CLIC5: variants seen among roughly 807,000 people sequenced by gnomAD.
CLIC5 encodes the protein chloride intracellular channel protein 5.
CLIC5 carries 20 observed loss-of-function variants against 24.7 expected under a neutral mutation model. That is an observed-to-expected ratio of 0.81 (90% CI 0.57 to 1.18). The LOEUF (loss-of-function observed/expected upper bound fraction) is 1.18. Among genes scored for constraint, CLIC5 ranks in the 50% most tolerant of loss-of-function variants. The probability of loss-of-function intolerance (pLI) is 0.00; values close to 1 mark genes in which losing one functional copy is unlikely to be tolerated. For missense variants in CLIC5, 341 were observed against 326.1 expected (o/e 1.05, Z -0.35); for synonymous variants, 159 against 135.6 (o/e 1.17, Z -1.20).
rs999586714 is a variant in CLIC5 at position 46,036,561 on chromosome 6, C to T, written c.540+43142G>A. On this transcript the variant is annotated intron_variant, in intron 1 of 5. Transcript: ENST00000185206. ...TCCTGACCTCGTGTTCCGCCTGCCT[C>T]GGCCTCCCAAAGTGCTGGGATTACA... is the stretch of plus-strand genomic sequence containing the variant. Among the ~76,000 whole-genome samples, 7 of 152,288 alleles carry T rather than the reference C, an allele frequency of 4.6e-5. No homozygotes were observed. In the East Asian group the frequency reaches 5.8e-4, roughly 13 times the overall value.
downstream of CLIC5, among the ~76,000 whole-genome samples, chr6:45,894,034 A>G (rs1341574433): frequency 6.6e-6 from 1 of 152,212 alleles, no homozygotes; most frequent in Non-Finnish European, 1.5e-5. Context: ...GTTACAGGGG[A>G]TGAAACTAGC....
upstream of CLIC5, among the ~76,000 whole-genome samples, chr6:46,017,715 A>C (rs1767058858): frequency 6.6e-6 from 1 of 152,262 alleles, no homozygotes; most frequent in Admixed American, 6.5e-5. Flanking sequence ...ACAAGCTGTC[A>C]CGTAAAGATA....
the CLIC5 span, among the ~76,000 whole-genome samples, chr6:46,126,929 C>T: frequency 6.6e-6 from 1 of 152,094 alleles, no homozygotes; most frequent in Non-Finnish European, 1.5e-5. Flanking sequence ...AGAGCTATGT[C>T]TTAAATTTTG....
At chr6:46,115,018 G>A in the CLIC5 span, among the ~76,000 whole-genome samples, 1 of 152,174 alleles carries the variant, frequency 6.6e-6, no homozygotes, top group African/African-American at 2.4e-5. Flanking sequence ...GAGAGAAAAG[G>A]AGAAGACAGG....
At chr6:46,077,365 C>G (rs1035348384) in intron 1 of CLIC5, among the ~76,000 whole-genome samples, 2 of 151,952 alleles carry the variant, frequency 1.3e-5, no homozygotes, top group Non-Finnish European at 2.9e-5. Flanking sequence ...CACACTAAAA[C>G]AGCCCAGGAG....
chr6:46,066,180 G>A (rs1762437921), intron 1 of CLIC5, among the ~76,000 whole-genome samples: 1 of 152,080 alleles, frequency 6.6e-6, no homozygotes. Context: ...TTAGAACCAG[G>A]CAAACAATCA....
chr6:45,990,628 G>A (rs191745951), intron 1 of CLIC5, among the ~76,000 whole-genome samples: 1 of 152,270 alleles, frequency 6.6e-6, no homozygotes, highest in South Asian at 2.1e-4. Flanking sequence ...ACATAGTAAG[G>A]GTGTTCATCC....
At chr6:46,006,186 C>A (rs1365557232) in intron 1 of CLIC5, among the ~76,000 whole-genome samples, 1 of 136,120 alleles carries the variant, frequency 7.3e-6, no homozygotes, top group Non-Finnish European at 1.5e-5. Flanking sequence ...GCCCTATCGC[C>A]CAGCCTGGAG....
intron 1 of CLIC5, among the ~76,000 whole-genome samples, chr6:45,997,181 A>T (rs949003023): frequency 1.3e-5 from 2 of 151,346 alleles, no homozygotes; most frequent in Non-Finnish European, 3.0e-5. Context: ...GCCATAAAAA[A>T]TGATGAGTTC....
chr6:46,077,459 T>A (rs1762803636), intron 1 of CLIC5, among the ~76,000 whole-genome samples: 1 of 151,668 alleles, frequency 6.6e-6, no homozygotes, highest in South Asian at 2.1e-4. Flanking sequence ...GGGACCAACA[T>A]CCCTTCCACA....
intron 1 of CLIC5, among the ~76,000 whole-genome samples, chr6:46,000,313 G>A (rs1006140400): frequency 1.3e-5 from 2 of 152,158 alleles, no homozygotes; most frequent in African/African-American, 4.8e-5. Flanking sequence ...CACACATACT[G>A]TGTATGTCTG....
chr6:45,962,063 T>TATACAC (rs1426398488), intron 1 of CLIC5, among the ~76,000 whole-genome samples: 1 of 145,512 alleles, frequency 6.9e-6, no homozygotes, highest in African/African-American at 2.5e-5. Flanking sequence ...TATATGTACA[T>TATACAC]ACACACACAC....
intron 1 of CLIC5, among the ~76,000 whole-genome samples, chr6:46,007,777 G>T (rs1004834807): frequency 9.2e-5 from 14 of 151,806 alleles, no homozygotes; most frequent in Admixed American, 9.2e-4. Context: ...AAATTCTATG[G>T]TTTTATGAAT....
At chr6:45,913,496 T>C (rs1048580896) in intron 5 of CLIC5, among the ~76,000 whole-genome samples, 3 of 152,168 alleles carry the variant, frequency 2.0e-5, no homozygotes, top group African/African-American at 7.2e-5. Context: ...TAGGGCTGGC[T>C]CATTAAGCAG....
At chr6:46,033,484 C>T (rs1055811172) in intron 1 of CLIC5, among the ~76,000 whole-genome samples, 1 of 152,148 alleles carries the variant, frequency 6.6e-6, no homozygotes, top group Non-Finnish European at 1.5e-5. Flanking sequence ...TTTTGATAAC[C>T]TCCGTGGGCT....
chr6:45,928,057 G>A (rs927661021), intron 4 of CLIC5, among the ~76,000 whole-genome samples: 9 of 152,176 alleles, frequency 5.9e-5, no homozygotes, highest in Non-Finnish European at 1.2e-4. Context: ...GCTCAGCCTG[G>A]AAACAAGCTT....
downstream of CLIC5, among the ~76,000 whole-genome samples, chr6:45,893,626 T>C (rs563618406): frequency 2.6e-4 from 40 of 152,324 alleles, no homozygotes; most frequent in Admixed American, 6.5e-4. Context: ...ATTGATCTTA[T>C]GCTGAAGGCC....
At chr6:45,921,848 T>C (rs541688940) in intron 4 of CLIC5, among the ~76,000 whole-genome samples, 58 of 152,112 alleles carry the variant, frequency 3.8e-4, no homozygotes, top group Admixed American at 1.8e-3. Context: ...GTTTAGAGAG[T>C]TCATGTCCAC....
the CLIC5 span, among the ~76,000 whole-genome samples, chr6:46,095,908 TG>T: frequency 0.33 from 50,274 of 150,676 alleles, 8,818 homozygotes; most frequent in Middle Eastern, 0.49. Flanking sequence ...TCCCAACCCC[TG>T]GTACCATTTT....
Sources: gnomAD v4.1 joint callset for allele counts (sites outside exome capture counted in the v4.1 genomes callset) on GRCh38, gnomAD v4.1.1 for gene constraint, MANE v1.5 for transcripts, NCBI Gene and HGNC (gene_info 2026-07-23, HGNC 2026-07-21) for gene names.